Variants in NEK5 observed in about 807,000 individuals in gnomAD.
NEK5 encodes NIMA related kinase 5.
NEK5 carries 88 observed loss-of-function variants against 109.2 expected under a neutral mutation model. That is an observed-to-expected ratio of 0.81 (90% CI 0.68 to 0.96). The LOEUF (loss-of-function observed/expected upper bound fraction) is 0.96, where lower values mean the gene tolerates loss of function less well. Ranked by LOEUF, NEK5 falls within the 40% of genes least tolerant of loss-of-function variation. The pLI is 0.00. For missense variants in NEK5, 834 were observed against 920.7 expected (o/e 0.91, Z 1.22); for synonymous variants, 283 against 299.9 (o/e 0.94, Z 0.58).
intron 22 of NEK5, among the ~76,000 whole-genome samples, chr13:52,053,917 G>T (rs1273242542): frequency 2.6e-5 from 4 of 152,176 alleles, no homozygotes; most frequent in African/African-American, 9.7e-5. Context: ...ATTCAATTTT[G>T]CAAGCGGAGG....
intron 22 of NEK5, among the ~76,000 whole-genome samples, chr13:52,052,543 C>T (rs2137697064): frequency 6.6e-6 from 1 of 152,272 alleles, no homozygotes; most frequent in Middle Eastern, 3.4e-3. Context: ...CATGGTGTTT[C>T]CCTCTTTGTG....
At position 52,041,975 on chromosome 13, in the gene NEK5, A is replaced by T. The variant is rs75416767; in HGVS notation, c.2229-4757T>A. Among the ~76,000 whole-genome samples the T allele has an allele frequency of 6.6e-5, 10 of 152,188 alleles. No individual in the cohort carries two copies. In the East Asian group the frequency reaches 1.9e-3, roughly 29 times the overall value. ...GGATAAAAGACATTTTTAGACCTAG[A>T]CATACCATAGTGAAACATAAGAATG... On this transcript the variant is annotated intron_variant, in intron 23 of 23. Coordinates refer to ENST00000684899, the MANE Select transcript of NEK5 (RefSeq NM_001365552.1).
chr13:52,036,534 C>T lies in NEK5; in HGVS notation c.*414G>A, dbSNP rs1278973358. ...CCAGGCTGGAGTGCAGTGGCACAAT[C>T]TCGGCTCACTTGCAACTTCCATCTC... On this transcript the variant is annotated 3_prime_UTR_variant, in exon 24 of 24. Transcript: ENST00000684899. 3 of 151,716 alleles carry T rather than the reference C, an allele frequency of 2.0e-5. No individual in the cohort carries two copies. Among genetic ancestry groups the T allele is most frequent in the African/African-American group, 7.3e-5 (3 of 41,220 alleles). 9.4% of individuals were successfully genotyped at this position (151,716 alleles called of 1,614,324 possible).
At chr13:52,125,985 A>AT (rs1956057821) in intron 3 of NEK5, among the ~76,000 whole-genome samples, 1 of 152,148 alleles carries the variant, frequency 6.6e-6, no homozygotes, top group South Asian at 2.1e-4. Flanking sequence ...TTTTCTTGCA[A>AT]TTTTTTGTGG....
intron 23 of NEK5, among the ~76,000 whole-genome samples, chr13:52,041,497 G>C (rs1202249944): frequency 6.6e-6 from 1 of 152,066 alleles, no homozygotes; most frequent in Admixed American, 6.6e-5. Flanking sequence ...GGAGGCTGAG[G>C]CAGGTGAATT....
chr13:52,114,373 C>T (rs1197737564), intron 4 of NEK5, among the ~76,000 whole-genome samples: 1 of 152,242 alleles, frequency 6.6e-6, no homozygotes, highest in Non-Finnish European at 1.5e-5. Context: ...TGCTATCCTA[C>T]TCTTTAAAGT....
chr13:52,035,548 G>A lies in NEK5; in HGVS notation c.*1400C>T, dbSNP rs542499915. ...TGTTAAGCTCCAGGCCATGTTCAACGTTGGAATTGTTATGATCAATTTTAA... is the reference window on the plus strand; with the variant it reads ...TGTTAAGCTCCAGGCCATGTTCAACATTGGAATTGTTATGATCAATTTTAA... On this transcript the variant is annotated 3_prime_UTR_variant, in exon 24 of 24. Transcript: ENST00000684899. 6.6e-6 allele frequency: 1 copy of A among 152,224 alleles called. No individual in the cohort carries two copies. The highest frequency in any genetic ancestry group is 1.9e-4 in the East Asian group (1 of 5,184). 9.4% of individuals were successfully genotyped at this position (152,224 alleles called of 1,614,324 possible). A position where few individuals can be genotyped will look rare whatever the true frequency, so the allele number is the denominator to read the frequency against.
chr13:52,078,954 T>C (rs1489490782), intron 17 of NEK5, among the ~76,000 whole-genome samples: 2 of 152,254 alleles, frequency 1.3e-5, no homozygotes, highest in African/African-American at 2.4e-5. Context: ...AGATAAGTCA[T>C]AGTCCTGATT....
At chr13:52,117,876 A>G (rs936052602) in intron 4 of NEK5, among the ~76,000 whole-genome samples, 1 of 152,252 alleles carries the variant, frequency 6.6e-6, no homozygotes, top group African/African-American at 2.4e-5. Context: ...GAGAGTCACA[A>G]TAATCTCAAA....
At chr13:52,061,629 T>C (rs1954615290) in intron 22 of NEK5, among the ~76,000 whole-genome samples, 190 bp downstream of exon 22, 1 of 152,160 alleles carries the variant, frequency 6.6e-6, no homozygotes, top group Non-Finnish European at 1.5e-5. Flanking sequence ...ACCACTCTCC[T>C]GGAAAGCTCA....
intron 20 of NEK5, among the ~76,000 whole-genome samples, chr13:52,070,371 T>C (rs1954764199): frequency 6.6e-6 from 1 of 152,248 alleles, no homozygotes; most frequent in African/African-American, 2.4e-5. Flanking sequence ...AAGATAACTT[T>C]AGTAACTGAT....
intron 23 of NEK5, among the ~76,000 whole-genome samples, chr13:52,041,252 A>G (rs1212907242): frequency 6.6e-6 from 1 of 152,222 alleles, no homozygotes; most frequent in East Asian, 1.9e-4. Flanking sequence ...GATTTTGATA[A>G]GTCTCCTAAA....
intron 20 of NEK5, among the ~76,000 whole-genome samples, chr13:52,067,667 C>T (rs1372599286): frequency 6.7e-6 from 1 of 148,536 alleles, no homozygotes; most frequent in Non-Finnish European, 1.5e-5. Flanking sequence ...CTGGTCTTTA[C>T]ACCACGTCAT....
chr13:52,121,159 C>T (rs1281173747), intron 3 of NEK5, among the ~76,000 whole-genome samples: 2 of 136,592 alleles, frequency 1.5e-5, no homozygotes, highest in African/African-American at 2.7e-5. Flanking sequence ...CTGAAGAAAT[C>T]TTTTTTTTTT....
At chr13:52,072,128 A>C (rs976349660) in intron 19 of NEK5, 58 bp from the exon 20 acceptor site, 2 of 1,452,850 alleles carry the variant, frequency 1.4e-6, no homozygotes, top group Non-Finnish European at 1.9e-6. Context: ...AGAAAGAAAA[A>C]CCATATTTTC....
intron 20 of NEK5, 81 bp from the exon 21 acceptor site, chr13:52,065,690 A>C (rs986620130): frequency 1.0e-6 from 1 of 989,988 alleles, no homozygotes; most frequent in Admixed American, 1.9e-5. Context: ...AGGAACTCAG[A>C]GGCAGTTTAT....
At chr13:52,067,317 T>C (rs572795947) in intron 20 of NEK5, among the ~76,000 whole-genome samples, 1 of 152,000 alleles carries the variant, frequency 6.6e-6, no homozygotes, top group Non-Finnish European at 1.5e-5. Flanking sequence ...AAAGAATCAG[T>C]TAGGCAGGCA....
intron 5 of NEK5, 132 bp downstream of exon 5, chr13:52,112,136 A>ATT (rs1955770483): frequency 4.2e-6 from 2 of 474,268 alleles, no homozygotes; most frequent in Non-Finnish European, 7.5e-6. Context: ...TTGATCCACT[A>ATT]TTTTATGGTT....
chr13:52,092,203 C>A (rs1390012176), intron 13 of NEK5, among the ~76,000 whole-genome samples: 2 of 151,102 alleles, frequency 1.3e-5, no homozygotes. Context: ...TTGTAATAAT[C>A]TATCAACACA....
Sources: gnomAD v4.1 joint callset for allele counts (sites outside exome capture counted in the v4.1 genomes callset) on GRCh38, gnomAD v4.1.1 for gene constraint, MANE v1.5 for transcripts, NCBI Gene and HGNC (gene_info 2026-07-23, HGNC 2026-07-21) for gene names.